PRKCE: variants seen among roughly 807,000 people sequenced by gnomAD.
PRKCE encodes protein kinase C epsilon type.
PRKCE carries 16 observed loss-of-function variants against 85.4 expected under a neutral mutation model. The ratio of observed to expected loss-of-function variants is 0.19; its 90% CI spans 0.13 to 0.28. The LOEUF (loss-of-function observed/expected upper bound fraction) is 0.28. Ranked by LOEUF, PRKCE falls within the 10% of genes least tolerant of loss-of-function variation. The pLI is 1.00. For synonymous variants in PRKCE, 388 were observed against 371.5 expected (o/e 1.04, Z -0.51); for missense variants, 573 against 975.2 (o/e 0.59, Z 5.49).
intron 1 of PRKCE, among the ~76,000 whole-genome samples, chr2:45,804,842 C>A (rs928344040): frequency 6.6e-6 from 1 of 151,854 alleles, no homozygotes; most frequent in Non-Finnish European, 1.5e-5. Flanking sequence ...GAAGGCCAAC[C>A]AGGAATCAAA....
intron 14 of PRKCE, among the ~76,000 whole-genome samples, chr2:46,170,753 C>T (rs1285446412): frequency 6.6e-6 from 1 of 152,134 alleles, no homozygotes; most frequent in Non-Finnish European, 1.5e-5. Flanking sequence ...GGTGGGTGAC[C>T]TCGTCTTGAC....
intron 2 of PRKCE, among the ~76,000 whole-genome samples, chr2:45,934,154 G>A (rs1395815968): frequency 6.6e-6 from 1 of 152,306 alleles, no homozygotes; most frequent in African/African-American, 2.4e-5. Context: ...CACAGCCATA[G>A]TGGAGCAGCT....
chr2:45,993,413 G>T (rs1425850492), intron 6 of PRKCE, among the ~76,000 whole-genome samples: 1 of 152,174 alleles, frequency 6.6e-6, no homozygotes, highest in African/African-American at 2.4e-5. Context: ...GCTAACTGAT[G>T]TGTGATTGAG....
chr2:45,928,842 C>T (rs1256205772), intron 2 of PRKCE, among the ~76,000 whole-genome samples: 1 of 152,080 alleles, frequency 6.6e-6, no homozygotes, highest in African/African-American at 2.4e-5. Context: ...CATGCACAAC[C>T]AGAATTAGAC....
At chr2:45,790,272 T>C (rs1686932554) in intron 1 of PRKCE, among the ~76,000 whole-genome samples, 1 of 152,228 alleles carries the variant, frequency 6.6e-6, no homozygotes, top group Admixed American at 6.5e-5. Context: ...TCCTCCAGTG[T>C]TGTATGAAAG....
At chr2:45,932,703 A>G (rs1244561839) in intron 2 of PRKCE, among the ~76,000 whole-genome samples, 6 of 152,184 alleles carry the variant, frequency 3.9e-5, no homozygotes, top group Admixed American at 3.9e-4. Context: ...TGTTTATGTT[A>G]CTGGACAACC....
chr2:46,044,410 G>A (rs1250853050), intron 10 of PRKCE, among the ~76,000 whole-genome samples: 1 of 152,204 alleles, frequency 6.6e-6, no homozygotes, highest in Non-Finnish European at 1.5e-5. Flanking sequence ...CTTATGCTGA[G>A]CTCATCTGGT....
At chr2:45,815,400 C>A (rs1181378874) in intron 1 of PRKCE, among the ~76,000 whole-genome samples, 1 of 152,140 alleles carries the variant, frequency 6.6e-6, no homozygotes, top group South Asian at 2.1e-4. Flanking sequence ...GGGTGCATTC[C>A]CAGACTGCCC....
chr2:45,908,031 A>G (rs1442632800), intron 2 of PRKCE, among the ~76,000 whole-genome samples: 1 of 152,164 alleles, frequency 6.6e-6, no homozygotes, highest in Non-Finnish European at 1.5e-5. Context: ...GGGAAGCAGA[A>G]GACCTTTGAG....
intron 2 of PRKCE, among the ~76,000 whole-genome samples, chr2:45,933,951 T>A (rs1699252123): frequency 1.3e-5 from 2 of 152,164 alleles, no homozygotes; most frequent in African/African-American, 2.4e-5. Context: ...GGCATCATGT[T>A]TTTCTAAAGA....
intron 1 of PRKCE, among the ~76,000 whole-genome samples, chr2:45,832,593 G>A (rs1690523512): frequency 6.6e-6 from 1 of 152,042 alleles, no homozygotes; most frequent in Admixed American, 6.6e-5. Flanking sequence ...TTACAGGCGT[G>A]AGCCACCGCA....
At chr2:46,180,927 C>A (rs965427843) in intron 14 of PRKCE, among the ~76,000 whole-genome samples, 2 of 152,300 alleles carry the variant, frequency 1.3e-5, no homozygotes, top group East Asian at 3.9e-4. Flanking sequence ...GTAGAAAAGG[C>A]TTCACGGATT....
At chr2:45,738,747 C>T (rs1462075234) in intron 1 of PRKCE, among the ~76,000 whole-genome samples, 1 of 152,144 alleles carries the variant, frequency 6.6e-6, no homozygotes, top group African/African-American at 2.4e-5. Flanking sequence ...TTGCTTTTAA[C>T]CTTACAGTTA....
At chr2:46,094,409 T>C (rs1352955814) in intron 11 of PRKCE, among the ~76,000 whole-genome samples, 2 of 152,222 alleles carry the variant, frequency 1.3e-5, no homozygotes, top group Non-Finnish European at 2.9e-5. Flanking sequence ...TCAGACTTGA[T>C]AAAGAGTTTG....
chr2:45,834,403 A>G, intron 1 of PRKCE, among the ~76,000 whole-genome samples: 1 of 152,182 alleles, frequency 6.6e-6, no homozygotes, highest in East Asian at 1.9e-4. Flanking sequence ...AGTAACTTAA[A>G]TTTTTAACAA....
At chr2:45,943,334 A>T (rs1487896356) in intron 2 of PRKCE, among the ~76,000 whole-genome samples, 1 of 152,258 alleles carries the variant, frequency 6.6e-6, no homozygotes, top group Non-Finnish European at 1.5e-5. Context: ...CATAGCGTCT[A>T]AGCCAGCACA....
intron 2 of PRKCE, among the ~76,000 whole-genome samples, chr2:45,901,424 A>G (rs561728902): frequency 5.9e-5 from 9 of 152,348 alleles, no homozygotes; most frequent in African/African-American, 1.9e-4. Context: ...ACTAGATCCA[A>G]TAAAGTTTGC....
At position 45,653,844 on chromosome 2, in the gene PRKCE, C is replaced by T. The variant is rs1045730370; in HGVS notation, c.348+1396C>T. 2.8e-4 allele frequency among the ~76,000 whole-genome samples: 43 copies of T among 152,200 alleles called. 1 individual carries two copies. Among genetic ancestry groups the T allele is most frequent in the Admixed American group, 2.3e-3 (35 of 15,284 alleles). Reference sequence around the variant, plus strand: ...AAGCAGGCAAACCTTTATGGAATCCCAGAGAACTCCATGCCATTCTATTCT... The same window carrying T: ...AAGCAGGCAAACCTTTATGGAATCCTAGAGAACTCCATGCCATTCTATTCT... On this transcript the variant is annotated intron_variant, in intron 1 of 14. Transcript: ENST00000306156.
Position 46,184,088 on chromosome 2 carries a change from C to T in PRKCE, c.2068-647C>T, listed in dbSNP as rs61760005. 9.8e-3 allele frequency among the ~76,000 whole-genome samples: 1,499 copies of T among 152,222 alleles called. 25 individuals are homozygous for T. Among genetic ancestry groups the T allele is most frequent in the African/African-American group, 0.035 (1,444 of 41,516 alleles). Reference sequence around the variant, plus strand: ...GTAGACACTTATTGCTGGGGAACTGCTGGGAACTCAAAGTTGAACAAGACA... The same window carrying T: ...GTAGACACTTATTGCTGGGGAACTGTTGGGAACTCAAAGTTGAACAAGACA... On this transcript the variant is annotated intron_variant, in intron 14 of 14. Transcript: ENST00000306156. This position sits in a 1 kb window ranked among gnomAD's most constrained non-coding sequence, Gnocchi z 5.0.
Sources: gnomAD v4.1 joint callset for allele counts (sites outside exome capture counted in the v4.1 genomes callset) on GRCh38, gnomAD v4.1.1 for gene constraint, Gnocchi (gnomAD v3.1) non-coding constraint, MANE v1.5 for transcripts, NCBI Gene and HGNC (gene_info 2026-07-23, HGNC 2026-07-21) for gene names.